The following RNF130 variants were observed in gnomAD, a reference collection of about 807,000 sequenced individuals.
RNF130 encodes E3 ubiquitin-protein ligase RNF130.
In RNF130, 21 loss-of-function variants were observed where a neutral mutation model predicts 44.6. That is an observed-to-expected ratio of 0.47 (90% confidence interval 0.33 to 0.68). The LOEUF (loss-of-function observed/expected upper bound fraction) is 0.68, where lower values mean the gene tolerates loss of function less well. Among genes scored for constraint, RNF130 ranks in the 30% least tolerant of loss-of-function variants. The pLI, the probability that RNF130 is intolerant of heterozygous loss-of-function variation, is 0.02. For missense variants in RNF130, 479 were observed against 560.6 expected (o/e 0.85, Z 1.47); for synonymous variants, 214 against 210.4 (o/e 1.02, Z -0.15).
chr5:179,938,564 A>G (rs1407275370), intron 7 of RNF130, among the ~76,000 whole-genome samples: 1 of 152,158 alleles, frequency 6.6e-6, no homozygotes, highest in Non-Finnish European at 1.5e-5. Context: ...TTCACCAAAC[A>G]CATTCTCATT....
At chr5:179,983,733 C>A (rs1177756227) in intron 3 of RNF130, among the ~76,000 whole-genome samples, 1 of 152,200 alleles carries the variant, frequency 6.6e-6, no homozygotes, top group Non-Finnish European at 1.5e-5. Flanking sequence ...TTGGGGAGAA[C>A]TGGCATCTTA....
At chr5:179,998,225 T>C (rs1413017321) in intron 3 of RNF130, among the ~76,000 whole-genome samples, 1 of 152,264 alleles carries the variant, frequency 6.6e-6, no homozygotes, top group Non-Finnish European at 1.5e-5. Context: ...TTAATTGCTA[T>C]GAACTTCCTT....
intron 2 of RNF130, among the ~76,000 whole-genome samples, chr5:180,026,920 C>T (rs1050294709): frequency 5.9e-5 from 9 of 152,156 alleles, no homozygotes; most frequent in Admixed American, 5.2e-4. Context: ...CAAAGAATGA[C>T]CACATGAAAG....
chr5:180,009,050 G>T (rs916832028), intron 3 of RNF130, among the ~76,000 whole-genome samples: 1 of 152,146 alleles, frequency 6.6e-6, no homozygotes, highest in Admixed American at 6.5e-5. Flanking sequence ...CCTTAAAGAA[G>T]TGCTGAGAGA....
At chr5:179,921,477 A>T (rs1299237458) in intron 7 of RNF130, among the ~76,000 whole-genome samples, 1 of 152,246 alleles carries the variant, frequency 6.6e-6, no homozygotes, top group Non-Finnish European at 1.5e-5. Context: ...CAAAAACTGA[A>T]CTTTTTCAGA....
chr5:179,992,000 C>G (rs1763094378), intron 3 of RNF130, among the ~76,000 whole-genome samples: 1 of 152,152 alleles, frequency 6.6e-6, no homozygotes, highest in South Asian at 2.1e-4. Flanking sequence ...AGAGGAGGAG[C>G]AGCTCAGGAA....
At chr5:179,970,538 T>A in intron 5 of RNF130, 32 bp from the exon 6 acceptor site, 1 of 1,528,904 alleles carries the variant, frequency 6.5e-7, no homozygotes, top group Non-Finnish European at 8.9e-7. Context: ...TGTCACAAGT[T>A]ACATACCAAG....
chr5:179,980,232 A>T, intron 3 of RNF130, 32 bp from the exon 4 acceptor site: 3 of 1,585,568 alleles, frequency 1.9e-6, no homozygotes, highest in Middle Eastern at 3.3e-4. Context: ...ACAGATACTA[A>T]GTGTAAGATC....
chr5:179,951,591 GC>G (rs1762127428), downstream of RNF130, among the ~76,000 whole-genome samples: 1 of 152,084 alleles, frequency 6.6e-6, no homozygotes, highest in South Asian at 2.1e-4. Flanking sequence ...CACCGTGTTG[GC>G]CAGGATGGTC....
chr5:180,070,979 AC>A (rs1426420168), intron 1 of RNF130, among the ~76,000 whole-genome samples: 1 of 95,784 alleles, frequency 1.0e-5, no homozygotes, highest in African/African-American at 3.4e-5. Context: ...TTTTCCATTT[AC>A]ACCCCCCCCC....
Position 180,013,085 on chromosome 5 carries a change from G to A in RNF130, c.669C>T (p.Tyr223=), listed in dbSNP as rs1005953601. Residue 223 remains tyrosine, a synonymous_variant, in exon 3 of 9, where the codon TAC becomes TAT. Coordinates refer to ENST00000521389, the MANE Select transcript of RNF130 (RefSeq NM_018434.6). ...LIFYFIQKIR[Y]TNARDRNQRR... ...CCTGGTTCCTGTCGCGTGCATTTGT[G>A]TACCTGATCTTCTGAATGAAGTAGA... 3.7e-6 allele frequency: 6 copies of A among 1,613,734 alleles called. No homozygotes were observed. The highest frequency in any genetic ancestry group is 5.1e-6 in the Non-Finnish European group (6 of 1,180,004).
intron 1 of RNF130, among the ~76,000 whole-genome samples, chr5:180,042,867 T>C (rs930485664): frequency 6.6e-6 from 1 of 152,246 alleles, no homozygotes; most frequent in African/African-American, 2.4e-5. Context: ...AACATAGTTA[T>C]GGAATCAGCA....
rs140913963 is a variant in RNF130, at chr5:179,966,655, T to C, written c.1150+151A>G. ...ACTTATCATAAATAAAGTTTCATTC[T>C]TCCAAATACCTGTTTTAACAGCAAC... On this transcript the variant is annotated intron_variant, in intron 7 of 8. Transcript: ENST00000521389. The C allele has an allele frequency of 9.2e-5, 61 of 659,690 alleles. 2 individuals are homozygous for C. The Middle Eastern group carries it at 2.8e-3, about 30-fold the overall frequency. 40.9% of individuals were successfully genotyped at this position (659,690 alleles called of 1,614,324 possible). A position where few individuals can be genotyped will look rare whatever the true frequency, so the allele number is the denominator to read the frequency against.
rs929956264 is a variant in RNF130 at position 179,955,497 on chromosome 5, A to C, written c.*157T>G. 5 of 560,726 alleles carry C rather than the reference A, an allele frequency of 8.9e-6. No individual in the cohort carries two copies. Among genetic ancestry groups the C allele is most frequent in the African/African-American group, 5.7e-5 (3 of 52,412 alleles). The allele number at this position is 560,726 out of a possible 1,614,324, so 34.7% of individuals were successfully genotyped here. On this transcript the variant is annotated 3_prime_UTR_variant, in exon 9 of 9. Coordinates refer to ENST00000521389, the MANE Select transcript of RNF130 (RefSeq NM_018434.6). ...GCACAGACTTTTTATTTTATTATTT[A>C]TTTCTTTTAATACAAAGCTTTGGCA...
At chr5:179,969,425 A>G (rs1267505771) in intron 6 of RNF130, among the ~76,000 whole-genome samples, 2 of 152,044 alleles carry the variant, frequency 1.3e-5, no homozygotes, top group Admixed American at 6.6e-5. Flanking sequence ...ACATCGTTTT[A>G]TATTATGCCA....
chr5:179,982,105 A>G (rs577556906), intron 3 of RNF130, among the ~76,000 whole-genome samples: 2 of 152,144 alleles, frequency 1.3e-5, no homozygotes, highest in South Asian at 4.1e-4. Context: ...TTGCTGTAAC[A>G]GTCTGCAACA....
intron 2 of RNF130, among the ~76,000 whole-genome samples, chr5:180,030,415 T>C (rs905396454): frequency 2.6e-5 from 4 of 152,210 alleles, no homozygotes; most frequent in African/African-American, 7.2e-5. Flanking sequence ...TCTTTGTAAG[T>C]GTACAATGAG....
intron 5 of RNF130, among the ~76,000 whole-genome samples, chr5:179,973,483 A>G (rs1762634457): frequency 6.6e-6 from 1 of 152,228 alleles, no homozygotes; most frequent in Non-Finnish European, 1.5e-5. Context: ...CAGAGGTCTC[A>G]GCTAAGGACT....
At chr5:179,982,301 A>G (rs1281470327) in intron 3 of RNF130, among the ~76,000 whole-genome samples, 1 of 151,622 alleles carries the variant, frequency 6.6e-6, no homozygotes, top group African/African-American at 2.4e-5. Flanking sequence ...TGTTGATGGG[A>G]CATCTGCACT....
Sources: gnomAD v4.1 joint callset for allele counts (sites outside exome capture counted in the v4.1 genomes callset) on GRCh38, gnomAD v4.1.1 for gene constraint, MANE v1.5 for transcripts, NCBI Gene and HGNC (gene_info 2026-07-23, HGNC 2026-07-21) for gene names.